ULK4: variants seen among roughly 807,000 people sequenced by gnomAD.
The protein encoded by ULK4 is unc-51 like kinase 4, also known as inactive serine/threonine-protein kinase ULK4.
A neutral mutation model predicts 160.6 loss-of-function variants in ULK4; 133 were observed. The ratio of observed to expected loss-of-function variants is 0.83; its 90% CI spans 0.72 to 0.96. The LOEUF is 0.96. Among genes scored for constraint, ULK4 ranks in the 40% least tolerant of loss-of-function variants. The probability of loss-of-function intolerance (pLI) is 0.00; values close to 1 mark genes in which losing one functional copy is unlikely to be tolerated. For missense variants in ULK4, 1,580 were observed against 1,499.5 expected, an observed-to-expected ratio of 1.05 and a Z score of -0.89; for synonymous variants, 534 against 539.8, an observed-to-expected ratio of 0.99 and a Z score of 0.15.
intron 25 of ULK4, among the ~76,000 whole-genome samples, chr3:41,713,538 G>A (rs555003633): frequency 2.6e-5 from 4 of 152,164 alleles, no homozygotes; most frequent in Non-Finnish European, 5.9e-5. Context: ...TTCAAACTAC[G>A]AAAATAGACT....
At chr3:41,484,230 C>T (rs1364010299) in intron 32 of ULK4, among the ~76,000 whole-genome samples, 1 of 151,976 alleles carries the variant, frequency 6.6e-6, no homozygotes, top group Non-Finnish European at 1.5e-5. Context: ...TATAGGATGT[C>T]TCCAATATCT....
At chr3:41,875,068 T>C (rs2125696115) in intron 17 of ULK4, among the ~76,000 whole-genome samples, 1 of 152,266 alleles carries the variant, frequency 6.6e-6, no homozygotes, top group South Asian at 2.1e-4. Flanking sequence ...TAGTCCCAGC[T>C]ACTGGGGAGG....
intron 16 of ULK4, among the ~76,000 whole-genome samples, chr3:41,885,290 G>A (rs1697678552): frequency 6.6e-6 from 1 of 152,028 alleles, no homozygotes; most frequent in Non-Finnish European, 1.5e-5. Context: ...TCCCTAATAT[G>A]ACCAAAAACA....
intron 34 of ULK4, among the ~76,000 whole-genome samples, chr3:41,405,897 A>C (rs2082284562): frequency 6.6e-6 from 1 of 152,022 alleles, no homozygotes; most frequent in Non-Finnish European, 1.5e-5. Flanking sequence ...TTCATCAGAT[A>C]CAAAGCATGC....
chr3:41,392,006 A>G (rs1164129654), intron 35 of ULK4, among the ~76,000 whole-genome samples: 2 of 152,170 alleles, frequency 1.3e-5, no homozygotes, highest in African/African-American at 4.8e-5. Context: ...ATTTAAGCCA[A>G]TTTTAGGCAC....
intron 5 of ULK4, among the ~76,000 whole-genome samples, chr3:41,924,510 A>G (rs1559653543): frequency 6.6e-6 from 1 of 152,164 alleles, no homozygotes; most frequent in Non-Finnish European, 1.5e-5. Context: ...TGTCTGACCT[A>G]TTTTTCCAAA....
chr3:41,504,084 G>T (rs34011614), intron 32 of ULK4, among the ~76,000 whole-genome samples: 10,966 of 152,156 alleles, frequency 0.072, 550 homozygotes, highest in Admixed American at 0.13. Context: ...AATTAAGACT[G>T]GAGTATTTAG....
At chr3:41,254,497 C>G (rs1575357035) in intron 35 of ULK4, among the ~76,000 whole-genome samples, 1 of 152,142 alleles carries the variant, frequency 6.6e-6, no homozygotes, top group Non-Finnish European at 1.5e-5. Context: ...TAAAGCAATG[C>G]TTAGAGGGAA....
At chr3:41,705,835 C>A (rs146746123) in intron 25 of ULK4, among the ~76,000 whole-genome samples, 125 of 152,108 alleles carry the variant, frequency 8.2e-4, no homozygotes, top group Admixed American at 1.6e-3. Flanking sequence ...TAAGCATTTA[C>A]GAAAGTGAGA....
In ULK4 at chr3:41,896,518, T is replaced by A. The variant is rs566011661; in HGVS notation, c.1530+304A>T. On this transcript the variant is annotated intron_variant, in intron 15 of 36. Transcript: ENST00000301831. ...ATCCACCCACCTTGGCCTCCCAAAG[T>A]GCTGGGATTACAGGCATGAGCCACT... 2.9e-3 allele frequency among the ~76,000 whole-genome samples: 439 copies of A among 152,322 alleles called. 2 individuals are homozygous for A. Among genetic ancestry groups the A allele is most frequent in the Non-Finnish European group, 4.9e-3 (332 of 68,014 alleles).
At chr3:41,428,906 T>C (rs547326932) in intron 34 of ULK4, among the ~76,000 whole-genome samples, 3 of 152,188 alleles carry the variant, frequency 2.0e-5, no homozygotes, top group African/African-American at 7.2e-5. Context: ...AATTGACAAA[T>C]GGGACCTAAT....
intron 35 of ULK4, among the ~76,000 whole-genome samples, chr3:41,291,474 G>GA (rs58853547): frequency 2.7e-4 from 29 of 109,310 alleles, no homozygotes; most frequent in East Asian, 5.5e-4. Flanking sequence ...GGAGGGGAAG[G>GA]AGAGGAGGAA....
At chr3:41,829,476 T>C (rs564150094) in intron 18 of ULK4, among the ~76,000 whole-genome samples, 1 of 151,180 alleles carries the variant, frequency 6.6e-6, no homozygotes, top group Non-Finnish European at 1.5e-5. Context: ...CATCAACAAG[T>C]GGGTGAAGGA....
chr3:41,479,474 G>A (rs1005194669), intron 32 of ULK4, among the ~76,000 whole-genome samples: 14 of 152,322 alleles, frequency 9.2e-5, no homozygotes, highest in South Asian at 2.1e-4. Context: ...GATGATCAAC[G>A]GGAAGGCAGG....
intron 31 of ULK4, among the ~76,000 whole-genome samples, chr3:41,582,271 T>C (rs182774340): frequency 2.6e-5 from 4 of 152,290 alleles, no homozygotes; most frequent in Admixed American, 2.6e-4. Flanking sequence ...ATTGTAAGAC[T>C]TCCCCAGCCA....
At chr3:41,539,561 T>C (rs897629923) in intron 32 of ULK4, among the ~76,000 whole-genome samples, 1 of 152,064 alleles carries the variant, frequency 6.6e-6, no homozygotes, top group Non-Finnish European at 1.5e-5. Flanking sequence ...CTGAAGCATA[T>C]ACAGTTGGGG....
intron 19 of ULK4, among the ~76,000 whole-genome samples, chr3:41,809,193 A>AAAAC (rs2040746843): frequency 6.7e-6 from 1 of 148,444 alleles, no homozygotes; most frequent in African/African-American, 2.4e-5. Context: ...AAAAACAAAA[A>AAAAC]AAAACAAAAA....
intron 32 of ULK4, among the ~76,000 whole-genome samples, chr3:41,495,248 G>C (rs1395777472): frequency 2.6e-5 from 4 of 152,026 alleles, no homozygotes; most frequent in South Asian, 2.1e-4. Context: ...CAATGGAACA[G>C]AACAGAGCCC....
chr3:41,677,137 G>C (rs2035749239), intron 29 of ULK4, among the ~76,000 whole-genome samples: 1 of 151,270 alleles, frequency 6.6e-6, no homozygotes, highest in Non-Finnish European at 1.5e-5. Flanking sequence ...TCAAACTCTT[G>C]GTCTCCTGTG....
Sources: allele counts gnomAD v4.1 joint callset (sites outside exome capture counted in the v4.1 genomes callset), GRCh38; gene constraint gnomAD v4.1.1; transcripts MANE v1.5; gene names NCBI Gene and HGNC (gene_info 2026-07-23, HGNC 2026-07-21).